The following PTPRQ variants were observed in gnomAD, a reference collection of about 807,000 sequenced individuals.
The protein encoded by PTPRQ is phosphatidylinositol phosphatase PTPRQ.
Under a neutral mutation model 246.0 loss-of-function variants are expected in PTPRQ, and 199 were observed. The observed-to-expected ratio is 0.81, with a 90% CI of 0.72 to 0.91. PTPRQ has a LOEUF of 0.91. Among genes scored for constraint, PTPRQ ranks in the 40% least tolerant of loss-of-function variants. PTPRQ has a pLI of 0.00. For missense variants in PTPRQ, 2,624 were observed against 2,528.4 expected (o/e 1.04, Z -0.81); for synonymous variants, 869 against 853.2 (o/e 1.02, Z -0.32).
intron 3 of PTPRQ, chr12:80,454,475 A>C (rs1215024854): frequency 5.7e-6 from 4 of 702,110 alleles, no homozygotes; most frequent in African/African-American, 3.5e-5. Flanking sequence ...CTCTTGCTTG[A>C]TCGCTCTGGC....
chr12:80,607,069 G>T (rs1203333812), intron 27 of PTPRQ, among the ~76,000 whole-genome samples: 2 of 150,888 alleles, frequency 1.3e-5, no homozygotes, highest in Non-Finnish European at 3.0e-5. Context: ...AGAATGGGAA[G>T]ATAACAAATA....
intron 7 of PTPRQ, among the ~76,000 whole-genome samples, chr12:80,469,594 T>C (rs1893559145): frequency 6.6e-6 from 1 of 152,116 alleles, no homozygotes; most frequent in Non-Finnish European, 1.5e-5. Context: ...TCAAAAAAGA[T>C]ACAGAGTTCC....
Position 80,599,829 on chromosome 12 carries a change from G to A in PTPRQ, c.4610-5230G>A, listed in dbSNP as rs568058771. On this transcript the variant is annotated intron_variant, in intron 26 of 44. Transcript: ENST00000644991. ...CAAACAGTTACCTTTCATTGCTCCA[G>A]ACAGGTGAAACACATATTGTTATAT... 3.3e-5 allele frequency among the ~76,000 whole-genome samples: 5 copies of A among 150,814 alleles called. No homozygotes were observed. The East Asian group carries it at 9.8e-4, about 29-fold the overall frequency.
At chr12:80,529,681 ATG>A (rs1895787955) in intron 17 of PTPRQ, among the ~76,000 whole-genome samples, 1 of 152,148 alleles carries the variant, frequency 6.6e-6, no homozygotes, top group Non-Finnish European at 1.5e-5. Flanking sequence ...TGAAAAAAAA[ATG>A]TAAATTAATT....
At chr12:80,625,712 T>C (rs1187199282) in intron 33 of PTPRQ, among the ~76,000 whole-genome samples, 1 of 152,200 alleles carries the variant, frequency 6.6e-6, no homozygotes, top group Admixed American at 6.5e-5. Flanking sequence ...GGGAAACCTT[T>C]CTGGCCTGTA....
chr12:80,609,850 T>C (rs1170211092), intron 27 of PTPRQ, among the ~76,000 whole-genome samples: 1 of 150,650 alleles, frequency 6.6e-6, no homozygotes, highest in African/African-American at 2.4e-5. Flanking sequence ...GATACGTATA[T>C]ATTTTATATC....
At chr12:80,499,768 G>C (rs557021299) in intron 14 of PTPRQ, among the ~76,000 whole-genome samples, 1 of 150,652 alleles carries the variant, frequency 6.6e-6, no homozygotes, top group Non-Finnish European at 1.5e-5. Context: ...GATTGATTCT[G>C]TGTGTGTGTG....
At position 80,502,432 on chromosome 12, in the gene PTPRQ, G is replaced by A. The variant is rs570566753; in HGVS notation, c.2273-3592G>A. ...AATGAAAAGGATCCATTTGAGATTT[G>A]ATGTTATAAATTTAAGTGGAACTAG... On this transcript the variant is annotated intron_variant, in intron 14 of 44. Transcript: ENST00000644991. Among the ~76,000 whole-genome samples, 6 of 152,038 alleles carry A rather than the reference G, an allele frequency of 3.9e-5. 1 individual carries two copies. The highest frequency in any genetic ancestry group is 1.4e-4 in the African/African-American group (6 of 41,530).
At chr12:80,564,002 T>G (rs1053899476) in intron 25 of PTPRQ, among the ~76,000 whole-genome samples, 1 of 152,104 alleles carries the variant, frequency 6.6e-6, no homozygotes, top group Non-Finnish European at 1.5e-5. Context: ...GTCTGAAAAT[T>G]TTCTGTCTTG....
chr12:80,532,986 A>G (rs1028474420), intron 17 of PTPRQ, among the ~76,000 whole-genome samples: 1 of 152,174 alleles, frequency 6.6e-6, no homozygotes, highest in Admixed American at 6.5e-5. Flanking sequence ...AAATATTTCA[A>G]TGGTAAAGAA....
At chr12:80,446,513 G>A (rs914131539) in intron 3 of PTPRQ, among the ~76,000 whole-genome samples, 1 of 151,450 alleles carries the variant, frequency 6.6e-6, no homozygotes, top group Admixed American at 6.6e-5. Context: ...GTGGGGTTTG[G>A]GCTTCTAGTA....
chr12:80,654,691 TCCA>T lies in PTPRQ; in HGVS notation c.6115+1858_6115+1860del, dbSNP rs1262811118. ...GGTGAAACCCCATCTGTACTAAAAA[TCCA>T]AAAAAAAAAAAAAAAATTAGCCGGG... On this transcript the variant is annotated intron_variant, in intron 38 of 44. Coordinates refer to ENST00000644991, the MANE Select transcript of PTPRQ (RefSeq NM_001145026.2). Among the ~76,000 whole-genome samples the T allele has an allele frequency of 8.0e-3, 759 of 95,136 alleles. 3 individuals are homozygous for T. Among genetic ancestry groups the T allele is most frequent in the African/African-American group, 0.028 (735 of 25,908 alleles). The allele number at this position is 95,136 out of a possible 152,430, so 62.4% of individuals were successfully genotyped here.
intron 37 of PTPRQ, among the ~76,000 whole-genome samples, chr12:80,652,244 G>A (rs1258889363): frequency 6.6e-6 from 1 of 151,898 alleles, no homozygotes; most frequent in African/African-American, 2.4e-5. Flanking sequence ...TTGCACCTTT[G>A]CATTCCATTA....
rs530895245 is a variant in PTPRQ, at chr12:80,506,152, A to C, written c.2401A>C (p.Asn801His). The change falls in exon 15 of 45, where the codon AAT (asparagine) becomes CAT (histidine). Residue 801 changes from asparagine (N) to histidine (H), a missense_variant. Coordinates refer to ENST00000644991, the MANE Select transcript of PTPRQ (RefSeq NM_001145026.2). ...ATATACAATTTATCTCAAGAGAAGT[A>C]ATGGAAATGAGGAAAGAACTATAAA... ...QKYTIYLKRS[N>H]GNEERTINTT... 4.6e-6 allele frequency: 7 copies of C among 1,533,048 alleles called. No individual in the cohort carries two copies. In the African/African-American group the frequency reaches 9.7e-5, roughly 21 times the overall value. 95.0% of individuals were successfully genotyped at this position (1,533,048 alleles called of 1,614,324 possible).
At chr12:80,535,347 A>G (rs993147507) in intron 19 of PTPRQ, among the ~76,000 whole-genome samples, 1 of 152,126 alleles carries the variant, frequency 6.6e-6, no homozygotes, top group African/African-American at 2.4e-5. Flanking sequence ...ACTTCCTCCA[A>G]TAAGTGTTCT....
chr12:80,631,364 T>C (rs1419729556), intron 33 of PTPRQ, among the ~76,000 whole-genome samples: 1 of 152,032 alleles, frequency 6.6e-6, no homozygotes, highest in Non-Finnish European at 1.5e-5. Context: ...AAGATAAAAG[T>C]TTAAAAAAAA....
intron 25 of PTPRQ, among the ~76,000 whole-genome samples, chr12:80,574,131 T>A (rs953058510): frequency 6.6e-6 from 1 of 152,218 alleles, no homozygotes; most frequent in Non-Finnish European, 1.5e-5. Context: ...AATTAACTGA[T>A]CCTTTGATCA....
chr12:80,444,460 CTT>C (rs1251726681), intron 1 of PTPRQ, 61 bp downstream of exon 1: 1 of 971,476 alleles, frequency 1.0e-6, no homozygotes. Flanking sequence ...TTTCTCAAGA[CTT>C]GAATAGTTGT....
intron 33 of PTPRQ, among the ~76,000 whole-genome samples, chr12:80,629,254 G>C (rs749630085): frequency 3.3e-5 from 5 of 151,990 alleles, no homozygotes; most frequent in Non-Finnish European, 5.9e-5. Context: ...CCATCAGATC[G>C]GGGCCTCACC....
Sources: allele counts gnomAD v4.1 joint callset (sites outside exome capture counted in the v4.1 genomes callset), GRCh38; gene constraint gnomAD v4.1.1; transcripts MANE v1.5; gene names NCBI Gene and HGNC (gene_info 2026-07-23, HGNC 2026-07-21).